NFIA: variants seen among roughly 807,000 people sequenced by gnomAD.
NFIA encodes nuclear factor 1 A-type.
In NFIA, 8 loss-of-function variants were observed where a neutral mutation model predicts 62.8. The ratio of observed to expected loss-of-function variants is 0.13; its 90% CI spans 0.07 to 0.23. NFIA has a LOEUF of 0.23. Ranked by LOEUF, NFIA falls within the 10% of genes least tolerant of loss-of-function variation. NFIA has a pLI of 1.00. For missense variants in NFIA, 410 were observed against 642.1 expected (o/e 0.64, Z 3.91); for synonymous variants, 235 against 238.1 (o/e 0.99, Z 0.12).
chr1:61,432,633 A>G (rs1667152026), intron 10 of NFIA, among the ~76,000 whole-genome samples: 1 of 151,250 alleles, frequency 6.6e-6, no homozygotes, highest in East Asian at 1.9e-4. Context: ...ACGTACACAC[A>G]TATATATACA....
At chr1:61,336,215 G>C (rs1048232968) in intron 4 of NFIA, among the ~76,000 whole-genome samples, 2 of 152,000 alleles carry the variant, frequency 1.3e-5, no homozygotes, top group African/African-American at 4.8e-5. Flanking sequence ...ATCAGTTCTT[G>C]TTGATTTGAT....
At chr1:61,238,926 T>G (rs1655164820) in intron 2 of NFIA, among the ~76,000 whole-genome samples, 1 of 152,210 alleles carries the variant, frequency 6.6e-6, no homozygotes, top group Non-Finnish European at 1.5e-5. Flanking sequence ...TAGATCAATT[T>G]TTATACCATT....
Position 61,406,552 on chromosome 1 carries a change from C to CT in NFIA, c.1255-10_1255-9insT, listed in dbSNP as rs780565809. 2.4e-6 allele frequency: 3 copies of CT among 1,250,830 alleles called. No individual in the cohort carries two copies. The highest frequency in any genetic ancestry group is 6.9e-5 in the East Asian group (2 of 29,060). 77.5% of individuals were successfully genotyped at this position (1,250,830 alleles called of 1,614,324 possible). A position where few individuals can be genotyped will look rare whatever the true frequency, so the allele number is the denominator to read the frequency against. ...TGTACGTGTGTTTTCTGCCCCCCCC[C>CT]CCCCCACAGCCCAATGGGAGCAGCC... On this transcript the variant is annotated splice_polypyrimidine_tract_variant and intron_variant, in intron 8 of 10. Coordinates refer to ENST00000403491, the MANE Select transcript of NFIA (RefSeq NM_001134673.4).
intron 3 of NFIA, among the ~76,000 whole-genome samples, chr1:61,279,129 C>G (rs967616849): frequency 1.3e-5 from 2 of 151,958 alleles, no homozygotes; most frequent in Non-Finnish European, 2.9e-5. Context: ...TTTTGTTGTT[C>G]TGTACATTGT....
intron 2 of NFIA, among the ~76,000 whole-genome samples, chr1:61,220,724 A>T (rs891379450): frequency 3.9e-5 from 6 of 152,214 alleles, no homozygotes; most frequent in South Asian, 4.1e-4. Context: ...CCTAAATAGA[A>T]TGTGGTTTGC....
At chr1:61,449,136 C>T (rs1358366351) in intron 10 of NFIA, among the ~76,000 whole-genome samples, 1 of 152,128 alleles carries the variant, frequency 6.6e-6, no homozygotes, top group East Asian at 1.9e-4. Context: ...CGCAGTTGGC[C>T]GCAACTGGCC....
chr1:61,192,694 C>G (rs1226537634), intron 2 of NFIA, among the ~76,000 whole-genome samples: 3 of 145,454 alleles, frequency 2.1e-5, no homozygotes, highest in Non-Finnish European at 4.5e-5. Context: ...CGGAGCGAGA[C>G]TCTTGTCTCA....
chr1:61,139,977 G>A (rs184325760), intron 2 of NFIA, among the ~76,000 whole-genome samples: 41 of 151,316 alleles, frequency 2.7e-4, no homozygotes, highest in Admixed American at 9.9e-4. Flanking sequence ...TCCTGCAGAT[G>A]CATGACCTGG....
At chr1:61,136,315 C>A (rs1262237801) in intron 2 of NFIA, among the ~76,000 whole-genome samples, 1 of 152,172 alleles carries the variant, frequency 6.6e-6, no homozygotes, top group Non-Finnish European at 1.5e-5. Context: ...GAAACTAAGG[C>A]TGAGTTAAGA....
At chr1:61,166,465 T>A (rs959842035) in intron 2 of NFIA, among the ~76,000 whole-genome samples, 6 of 152,128 alleles carry the variant, frequency 3.9e-5, no homozygotes, top group Non-Finnish European at 8.8e-5. Flanking sequence ...ACTGGCCAAC[T>A]GAGAAGAAAA....
At chr1:61,291,853 T>C (rs1658903437) in intron 3 of NFIA, among the ~76,000 whole-genome samples, 1 of 152,250 alleles carries the variant, frequency 6.6e-6, no homozygotes, top group African/African-American at 2.4e-5. Flanking sequence ...TGTCATATGA[T>C]ATACTACATA....
chr1:61,396,916 T>A (rs914912379), intron 7 of NFIA, among the ~76,000 whole-genome samples: 5 of 151,834 alleles, frequency 3.3e-5, no homozygotes, highest in African/African-American at 1.2e-4. Flanking sequence ...GCAGGAGAAT[T>A]GCTTGAACCC....
intron 10 of NFIA, among the ~76,000 whole-genome samples, chr1:61,436,311 G>A (rs1437313347): frequency 1.3e-5 from 2 of 152,202 alleles, no homozygotes; most frequent in Non-Finnish European, 2.9e-5. Flanking sequence ...TCAGAGAACA[G>A]GAAAATGAGT....
At chr1:61,285,001 C>G (rs1464291800) in intron 3 of NFIA, among the ~76,000 whole-genome samples, 7 of 152,106 alleles carry the variant, frequency 4.6e-5, no homozygotes, top group Non-Finnish European at 2.9e-5. Flanking sequence ...ATACATAGAT[C>G]TAGATTCTAA....
chr1:61,286,583 G>A (rs1658517592), intron 3 of NFIA, among the ~76,000 whole-genome samples: 1 of 151,858 alleles, frequency 6.6e-6, no homozygotes, highest in African/African-American at 2.4e-5. Context: ...CATTCAACAG[G>A]TATTTATCAA....
At chr1:61,347,968 A>G (rs1224007426) in intron 4 of NFIA, among the ~76,000 whole-genome samples, 1 of 152,154 alleles carries the variant, frequency 6.6e-6, no homozygotes, top group Non-Finnish European at 1.5e-5. Context: ...CATCTAGCAA[A>G]TGCACTTTGA....
chr1:61,282,900 A>G (rs1042344499), intron 3 of NFIA, among the ~76,000 whole-genome samples: 2 of 152,054 alleles, frequency 1.3e-5, no homozygotes, highest in African/African-American at 4.8e-5. Flanking sequence ...AGGTTTAATC[A>G]TGTTTGTTCC....
intron 6 of NFIA, among the ~76,000 whole-genome samples, chr1:61,364,431 A>C (rs931184845): frequency 3.9e-5 from 6 of 152,206 alleles, no homozygotes; most frequent in African/African-American, 1.4e-4. Context: ...GGGTGCTTTC[A>C]ATAAACTTGA....
At chr1:61,367,185 G>T (rs1376222442) in intron 6 of NFIA, among the ~76,000 whole-genome samples, 2 of 152,124 alleles carry the variant, frequency 1.3e-5, no homozygotes, top group Non-Finnish European at 2.9e-5. Context: ...AACTCTGCTG[G>T]TCCTAATTTG....
Sources: gnomAD v4.1 joint callset for allele counts (sites outside exome capture counted in the v4.1 genomes callset) on GRCh38, gnomAD v4.1.1 for gene constraint, MANE v1.5 for transcripts, NCBI Gene and HGNC (gene_info 2026-07-23, HGNC 2026-07-21) for gene names.